CLYBL: variants seen among roughly 807,000 people sequenced by gnomAD.
The protein encoded by CLYBL is citramalyl-CoA lyase.
CLYBL carries 31 observed loss-of-function variants against 38.9 expected under a neutral mutation model. The observed-to-expected ratio is 0.80, with a 90% CI of 0.60 to 1.08. The LOEUF (loss-of-function observed/expected upper bound fraction) is 1.08. Ranked by LOEUF, CLYBL falls within the 50% of genes least tolerant of loss-of-function variation. The pLI, the probability that CLYBL is intolerant of heterozygous loss-of-function variation, is 0.00. For synonymous variants in CLYBL, 171 were observed against 158.6 expected (o/e 1.08, Z -0.59); for missense variants, 434 against 411.6 (o/e 1.05, Z -0.47).
At chr13:99,838,797 G>A (rs1337026023) in intron 2 of CLYBL, among the ~76,000 whole-genome samples, 1 of 96,400 alleles carries the variant, frequency 1.0e-5, no homozygotes, top group African/African-American at 4.8e-5. Flanking sequence ...CACCACGCCT[G>A]GCTAATTTTT....
chr13:99,854,803 C>T (rs1324711826), intron 2 of CLYBL, among the ~76,000 whole-genome samples: 1 of 152,090 alleles, frequency 6.6e-6, no homozygotes, highest in East Asian at 1.9e-4. Context: ...GTGTCTCTTC[C>T]CCAGGTGATA....
chr13:99,705,495 G>A lies in CLYBL; in HGVS notation c.63-67329G>A, dbSNP rs573703373. Among the ~76,000 whole-genome samples the A allele has an allele frequency of 1.6e-4, 24 of 152,102 alleles. No individual in the cohort carries two copies. In the South Asian group the frequency reaches 3.7e-3, roughly 24 times the overall value. On this transcript the variant is annotated intron_variant, in intron 1 of 8. Transcript: ENST00000339105. The stretch of plus-strand genomic sequence containing the variant: ...CTTGGGAGGCTGAGGCAGGAGAATC[G>A]CTTGGACCTGGAAGGTGGAGGTTGC...
intron 1 of CLYBL, among the ~76,000 whole-genome samples, chr13:99,656,392 T>A (rs560602989): frequency 1.3e-5 from 2 of 152,332 alleles, no homozygotes; most frequent in East Asian, 3.9e-4. Flanking sequence ...GCCAAAGCTT[T>A]GTATCTGTCA....
chr13:99,720,124 A>C (rs2048373428), intron 1 of CLYBL, among the ~76,000 whole-genome samples: 1 of 151,056 alleles, frequency 6.6e-6, no homozygotes, highest in Non-Finnish European at 1.5e-5. Context: ...ATTTTATTAT[A>C]GTTTTCTTAT....
intron 2 of CLYBL, among the ~76,000 whole-genome samples, chr13:99,843,507 A>G (rs1466502648): frequency 6.6e-6 from 1 of 152,104 alleles, no homozygotes; most frequent in Non-Finnish European, 1.5e-5. Context: ...TGTTCTCTCC[A>G]TTACCTAAAA....
intron 1 of CLYBL, among the ~76,000 whole-genome samples, chr13:99,703,410 G>A (rs527702341): frequency 3.0e-4 from 46 of 151,730 alleles, no homozygotes; most frequent in African/African-American, 1.1e-3. Context: ...TCACTCTGTC[G>A]CCAGGCTGGA....
At chr13:99,661,102 C>T (rs762078000) in intron 1 of CLYBL, among the ~76,000 whole-genome samples, 22 of 151,818 alleles carry the variant, frequency 1.4e-4, no homozygotes, top group Non-Finnish European at 2.8e-4. Flanking sequence ...ACATTTACAC[C>T]GAAAAATTCA....
intron 1 of CLYBL, among the ~76,000 whole-genome samples, chr13:99,767,486 G>A (rs1047230325): frequency 1.3e-5 from 2 of 152,148 alleles, no homozygotes; most frequent in Admixed American, 6.5e-5. Context: ...TTGTATTCAA[G>A]TCTTTCACCA....
At chr13:99,639,212 T>C (rs2047061757) in intron 1 of CLYBL, among the ~76,000 whole-genome samples, 1 of 152,186 alleles carries the variant, frequency 6.6e-6, no homozygotes, top group African/African-American at 2.4e-5. Flanking sequence ...AGGAGTACTG[T>C]TATAGATGCT....
intron 1 of CLYBL, among the ~76,000 whole-genome samples, chr13:99,676,384 A>C (rs529488194): frequency 7.2e-4 from 109 of 151,456 alleles, no homozygotes; most frequent in Non-Finnish European, 1.3e-3. Context: ...ATCTCGGCTC[A>C]CTGCAGCCTC....
At chr13:99,777,500 T>TC (rs2049544936) in intron 2 of CLYBL, among the ~76,000 whole-genome samples, 2 of 151,322 alleles carry the variant, frequency 1.3e-5, no homozygotes, top group Non-Finnish European at 2.9e-5. Context: ...TCTTTTCTTT[T>TC]TTTTTTTTTG....
chr13:99,673,412 C>CAA (rs34517548), intron 1 of CLYBL, among the ~76,000 whole-genome samples: 6,886 of 142,482 alleles, frequency 0.048, 240 homozygotes, highest in Middle Eastern at 0.09. Context: ...GACTCCGTCT[C>CAA]AAAAAAAAAA....
At chr13:99,622,995 G>C (rs1442059318) in intron 1 of CLYBL, among the ~76,000 whole-genome samples, 1 of 152,050 alleles carries the variant, frequency 6.6e-6, no homozygotes, top group Non-Finnish European at 1.5e-5. Context: ...ACCACACCTG[G>C]CTCATTTTTT....
chr13:99,818,034 A>T (rs567434518), intron 2 of CLYBL, among the ~76,000 whole-genome samples: 2 of 148,994 alleles, frequency 1.3e-5, no homozygotes, highest in Admixed American at 6.7e-5. Context: ...GGAAGGAAGG[A>T]AGGGAGGGAG....
chr13:99,856,240 G>T (rs1420372053), intron 2 of CLYBL, among the ~76,000 whole-genome samples: 1 of 152,140 alleles, frequency 6.6e-6, no homozygotes. Context: ...TCAAATCCAA[G>T]TGAAACCAAA....
At chr13:99,819,739 C>T (rs1337873932) in intron 2 of CLYBL, among the ~76,000 whole-genome samples, 1 of 151,920 alleles carries the variant, frequency 6.6e-6, no homozygotes, top group African/African-American at 2.4e-5. Flanking sequence ...TGCCCCAACT[C>T]AGGAAGAGCG....
At chr13:99,795,813 C>T (rs894378761) in intron 2 of CLYBL, among the ~76,000 whole-genome samples, 1 of 152,242 alleles carries the variant, frequency 6.6e-6, no homozygotes. Flanking sequence ...CTTGGAGCCT[C>T]CAGGGGTAGA....
chr13:99,658,653 A>G (rs1474086349), intron 1 of CLYBL, among the ~76,000 whole-genome samples: 4 of 152,130 alleles, frequency 2.6e-5, no homozygotes, highest in Non-Finnish European at 4.4e-5. Context: ...TGGGGTGGGG[A>G]GGAAGCCTCG....
chr13:99,880,992 A>G (rs2052192319), intron 7 of CLYBL, among the ~76,000 whole-genome samples: 1 of 152,214 alleles, frequency 6.6e-6, no homozygotes, highest in Non-Finnish European at 1.5e-5. Flanking sequence ...GGCCTTCCCC[A>G]GCTGCTCAGC....
Sources: gnomAD v4.1 joint callset for allele counts (sites outside exome capture counted in the v4.1 genomes callset) on GRCh38, gnomAD v4.1.1 for gene constraint, MANE v1.5 for transcripts, NCBI Gene and HGNC (gene_info 2026-07-23, HGNC 2026-07-21) for gene names.